The following GABRP variants were observed in gnomAD, a reference collection of about 807,000 sequenced individuals.
GABRP encodes the protein gamma-aminobutyric acid receptor subunit pi.
GABRP carries 52 observed loss-of-function variants against 47.8 expected under a neutral mutation model. The observed-to-expected ratio is 1.09, with a 90% confidence interval of 0.87 to 1.37. The LOEUF is 1.37. GABRP is among the 40% of genes most tolerant of loss of function. The pLI, the probability that GABRP is intolerant of heterozygous loss-of-function variation, is 0.00. For synonymous variants in GABRP, 221 were observed against 205.8 expected (o/e 1.07, Z -0.63); for missense variants, 525 against 542.8 (o/e 0.97, Z 0.33).
At chr5:170,809,896 G>A in intron 9 of GABRP, 141 bp downstream of exon 9, 1 of 800,158 alleles carries the variant, frequency 1.2e-6, no homozygotes, top group Non-Finnish European at 2.1e-6. Flanking sequence ...TTGTTCAGGT[G>A]GGAGCAGCTG....
chr5:170,789,039 C>G (rs530841054), intron 2 of GABRP, 90 bp from the exon 3 acceptor site: 3 of 958,676 alleles, frequency 3.1e-6, no homozygotes, highest in African/African-American at 1.6e-5. Flanking sequence ...TACACCCACA[C>G]ACACGTGGGC....
At chr5:170,789,085 C>T (rs1240237512) in intron 2 of GABRP, 44 bp from the exon 3 acceptor site, 1 of 1,476,596 alleles carries the variant, frequency 6.8e-7, no homozygotes, top group Non-Finnish European at 9.5e-7. Context: ...CGTGTTGATT[C>T]ACACATAAAC....
At chr5:170,795,652 T>C (rs1037434225) in intron 5 of GABRP, among the ~76,000 whole-genome samples, 1 of 152,168 alleles carries the variant, frequency 6.6e-6, no homozygotes, top group African/African-American at 2.4e-5. Flanking sequence ...GAGTAAGGCA[T>C]TGACCTGTCC....
intron 2 of GABRP, 144 bp from the exon 3 acceptor site, chr5:170,788,985 A>G (rs1765194907): frequency 1.4e-6 from 1 of 707,748 alleles, no homozygotes; most frequent in Non-Finnish European, 2.5e-6. Flanking sequence ...AAACTAAGAG[A>G]TTTTTCTGTA....
upstream of GABRP, among the ~76,000 whole-genome samples, chr5:170,783,299 CACA>C (rs1264368862): frequency 2.6e-5 from 4 of 152,148 alleles, no homozygotes; most frequent in African/African-American, 9.7e-5. Context: ...TCTTAAAATA[CACA>C]ACAAGAAATC....
intron 3 of GABRP, among the ~76,000 whole-genome samples, chr5:170,789,698 A>G (rs556076529): frequency 1.4e-4 from 21 of 152,146 alleles, no homozygotes; most frequent in African/African-American, 3.9e-4. Flanking sequence ...CGTAGAGTCC[A>G]GGCACACTAG....
intron 3 of GABRP, 149 bp from the exon 4 acceptor site, chr5:170,794,082 A>C (rs1271599937): frequency 4.7e-6 from 2 of 425,844 alleles, no homozygotes; most frequent in African/African-American, 4.0e-5. Context: ...GGATAAGAAA[A>C]TTTTTCTTTT....
At chr5:170,803,275 T>C (rs1301704806) in intron 6 of GABRP, among the ~76,000 whole-genome samples, 1 of 152,138 alleles carries the variant, frequency 6.6e-6, no homozygotes, top group Non-Finnish European at 1.5e-5. Flanking sequence ...AAATGTTAGT[T>C]CCAACACCGG....
intron 6 of GABRP, among the ~76,000 whole-genome samples, chr5:170,804,977 ATATATTATAT>A (rs35958756): frequency 1.9e-4 from 27 of 144,780 alleles, no homozygotes; most frequent in African/African-American, 5.3e-4. Context: ...TTTATATATT[ATATATTATAT>A]TATATTATAT....
intron 7 of GABRP, among the ~76,000 whole-genome samples, chr5:170,807,331 T>C (rs1454094792): frequency 6.6e-6 from 1 of 152,214 alleles, no homozygotes; most frequent in African/African-American, 2.4e-5. Flanking sequence ...GACAACTTTG[T>C]AAATTAGGGC....
rs1297404352 is a variant in GABRP at position 170,808,562 on chromosome 5, A to G, written c.680-38A>G. ...CCATAGAGAAACCACTTGCTACACG[A>G]ACAGACACAATTTCCTATCTGTTGT... On this transcript the variant is annotated intron_variant, in intron 7 of 9. Coordinates refer to ENST00000265294, the MANE Select transcript of GABRP (RefSeq NM_014211.3). 5 of 1,597,872 alleles carry G rather than the reference A, an allele frequency of 3.1e-6. No individual in the cohort carries two copies. The African/African-American group carries it at 5.4e-5, about 17-fold the overall frequency.
At chr5:170,785,624 T>A (rs1287103877) in intron 1 of GABRP, among the ~76,000 whole-genome samples, 1 of 152,190 alleles carries the variant, frequency 6.6e-6, no homozygotes, top group Non-Finnish European at 1.5e-5. Flanking sequence ...CAGGGCCAAA[T>A]GTTACATCTT....
At chr5:170,787,211 A>C (rs1365662723) in intron 1 of GABRP, among the ~76,000 whole-genome samples, 1 of 152,246 alleles carries the variant, frequency 6.6e-6, no homozygotes, top group Non-Finnish European at 1.5e-5. Flanking sequence ...TTTTGAAAGT[A>C]AAATAACATT....
Position 170,809,651 on chromosome 5 carries a change from A to G in GABRP, c.916A>G (p.Ile306Val). The change falls in exon 9 of 10, where the codon ATC becomes GTC. Residue 306 changes from isoleucine to valine, a missense_variant. Physicochemically the swap from Ile to Val is conservative, Grantham distance 29. Transcript: ENST00000265294. Reference sequence around the variant, plus strand: ...CAACACCAACTGCTTCATCAAGGCCATCGATGTGTACCTGGGGATCTGCTT... The same window carrying G: ...CAACACCAACTGCTTCATCAAGGCCGTCGATGTGTACCTGGGGATCTGCTT... ...LPNTNCFIKA[I>V]DVYLGICFSF... 1 of 1,614,184 alleles carries G rather than the reference A, an allele frequency of 6.2e-7. No homozygotes were observed. Among genetic ancestry groups the G allele is most frequent in the Non-Finnish European group, 8.5e-7 (1 of 1,180,028 alleles).
intron 3 of GABRP, among the ~76,000 whole-genome samples, chr5:170,793,458 T>C (rs1765333018): frequency 6.6e-6 from 1 of 152,196 alleles, no homozygotes; most frequent in Non-Finnish European, 1.5e-5. Context: ...CCCAACAGTC[T>C]GCACACTGGA....
chr5:170,803,353 G>A (rs922896920), intron 6 of GABRP, among the ~76,000 whole-genome samples: 13 of 152,146 alleles, frequency 8.5e-5, no homozygotes, highest in Admixed American at 5.2e-4. Context: ...CACAGGTACC[G>A]AAATCACTGA....
rs76123388 is a variant in GABRP, at chr5:170,803,570, C to A, written c.542-2146C>A. 9.6e-3 allele frequency among the ~76,000 whole-genome samples: 1,467 copies of A among 152,222 alleles called. 28 individuals carry two copies. The highest frequency in any genetic ancestry group is 0.033 in the African/African-American group (1,355 of 41,532). On this transcript the variant is annotated intron_variant, in intron 6 of 9. Transcript: ENST00000265294. ...TTTAGTACATTTCCGAGTAGTGCAA[C>A]CATCACCACATGTCATTGTTAGAAT...
At position 170,794,225 on chromosome 5, in the gene GABRP, T is replaced by A; in HGVS notation, c.173-6T>A. On this transcript the variant is annotated splice_polypyrimidine_tract_variant and splice_region_variant and intron_variant, in intron 3 of 9. Transcript: ENST00000265294. The stretch of plus-strand genomic sequence containing the variant: ...TTCCATTCTTTCTTGTTTTTTTTTA[T>A]CTTAGGAGAACCCGTACAGATAGCG... The A allele has an allele frequency of 3.8e-6, 6 of 1,599,636 alleles. No homozygotes were observed. Among genetic ancestry groups the A allele is most frequent in the Non-Finnish European group, 5.1e-6 (6 of 1,169,106 alleles).
At chr5:170,802,813 C>CTGAA in intron 6 of GABRP, among the ~76,000 whole-genome samples, 1 of 121,096 alleles carries the variant, frequency 8.3e-6, no homozygotes, top group Non-Finnish European at 1.9e-5. Context: ...GGAGCTTTCT[C>CTGAA]TGTTCAGCCT....
Sources: gnomAD v4.1 joint callset for allele counts (sites outside exome capture counted in the v4.1 genomes callset) on GRCh38, gnomAD v4.1.1 for gene constraint, MANE v1.5 for transcripts, NCBI Gene and HGNC (gene_info 2026-07-23, HGNC 2026-07-21) for gene names.